The following KIF21A variants were observed in gnomAD, a reference collection of about 807,000 sequenced individuals.
KIF21A encodes kinesin-like protein KIF21A.
In KIF21A, 114 loss-of-function variants were observed where a neutral mutation model predicts 202.9. That is an observed-to-expected ratio of 0.56 (90% confidence interval 0.48 to 0.66). The LOEUF (loss-of-function observed/expected upper bound fraction) is 0.66. KIF21A is among the 30% of genes least tolerant of loss of function. The pLI is 0.00. For missense variants in KIF21A, 1,677 were observed against 1,994.9 expected, an observed-to-expected ratio of 0.84 and a Z score of 3.04; for synonymous variants, 667 against 670.8, an observed-to-expected ratio of 0.99 and a Z score of 0.09.
intron 1 of KIF21A, among the ~76,000 whole-genome samples, chr12:39,427,622 A>C (rs1954869632): frequency 6.6e-6 from 1 of 152,250 alleles, no homozygotes. Context: ...TCCAAAAGAA[A>C]AGAAAACCAC....
chr12:39,318,039 TA>T, intron 29 of KIF21A, 33 bp downstream of exon 29: 1 of 1,598,954 alleles, frequency 6.3e-7, no homozygotes, highest in South Asian at 1.1e-5. Context: ...GAATATTATA[TA>T]AATAATTGGG....
intron 3 of KIF21A, among the ~76,000 whole-genome samples, chr12:39,369,433 C>T (rs573229554): frequency 2.6e-5 from 4 of 152,114 alleles, no homozygotes; most frequent in Non-Finnish European, 5.9e-5. Context: ...ACACTCCAAC[C>T]TGGGTGACAG....
intron 1 of KIF21A, among the ~76,000 whole-genome samples, chr12:39,441,365 T>C (rs910490024): frequency 1.8e-4 from 28 of 152,142 alleles, no homozygotes; most frequent in Middle Eastern, 3.4e-3. Context: ...ACAGACAAAT[T>C]GTCTGTTTTC....
At chr12:39,311,136 AT>A (rs1243217892) in intron 32 of KIF21A, among the ~76,000 whole-genome samples, 2 of 151,984 alleles carry the variant, frequency 1.3e-5, no homozygotes, top group African/African-American at 4.8e-5. Context: ...ATAGATTTTT[AT>A]ATAACCTGCA....
chr12:39,342,193 A>C (rs1947501476), intron 12 of KIF21A, 69 bp from the exon 13 acceptor site: 1 of 1,073,892 alleles, frequency 9.3e-7, no homozygotes, highest in South Asian at 1.3e-5. Context: ...TCTCCCTCAG[A>C]TTTTTAGAAG....
chr12:39,390,106 C>A (rs375988976), intron 1 of KIF21A, among the ~76,000 whole-genome samples: 34 of 152,252 alleles, frequency 2.2e-4, no homozygotes, highest in African/African-American at 7.9e-4. Flanking sequence ...TACACCTAAC[C>A]TCCTATATAT....
In KIF21A at chr12:39,329,855, A is replaced by G. The variant is rs553009587; in HGVS notation, c.3340+387T>C. ...ATATATATACCAAAGATATATACAGAAGAAAGTTATTTATGAGGTTAAAAC... is the reference window on the plus strand; with the variant it reads ...ATATATATACCAAAGATATATACAGGAGAAAGTTATTTATGAGGTTAAAAC... On this transcript the variant is annotated intron_variant, in intron 24 of 37. Coordinates refer to ENST00000361418, the MANE Select transcript of KIF21A (RefSeq NM_001173464.2). Among the ~76,000 whole-genome samples, 4 of 152,290 alleles carry G rather than the reference A, an allele frequency of 2.6e-5. No individual in the cohort carries two copies. In the South Asian group the frequency reaches 8.3e-4, roughly 32 times the overall value.
At chr12:39,361,315 T>G (rs1011816745) in intron 7 of KIF21A, among the ~76,000 whole-genome samples, 3 of 152,126 alleles carry the variant, frequency 2.0e-5, no homozygotes, top group African/African-American at 4.8e-5. Flanking sequence ...AAATGAAAAT[T>G]TTTATTCTGT....
chr12:39,310,062 C>A (rs1943876946), intron 32 of KIF21A, among the ~76,000 whole-genome samples: 1 of 151,926 alleles, frequency 6.6e-6, no homozygotes, highest in Non-Finnish European at 1.5e-5. Flanking sequence ...CTTCAAATTG[C>A]CACTGAATTT....
At position 39,366,524 on chromosome 12, in the gene KIF21A, T is replaced by G; in HGVS notation, c.736-7A>C. On this transcript the variant is annotated splice_region_variant and splice_polypyrimidine_tract_variant and intron_variant, in intron 5 of 37. Coordinates refer to ENST00000361418, the MANE Select transcript of KIF21A (RefSeq NM_001173464.2). ...TATTATCAGTTGCATTGTCCTGAAA[T>G]TAAGAAAAATAATTGAAAATACTTT... The G allele has an allele frequency of 6.4e-7, 1 of 1,574,352 alleles. No homozygotes were observed. Among genetic ancestry groups the G allele is most frequent in the Non-Finnish European group, 8.7e-7 (1 of 1,146,528 alleles).
At chr12:39,305,726 T>C (rs1158750357) in intron 34 of KIF21A, among the ~76,000 whole-genome samples, 1 of 152,202 alleles carries the variant, frequency 6.6e-6, no homozygotes, top group African/African-American at 2.4e-5. Flanking sequence ...TAAATCCACC[T>C]AAACATCAAT....
intron 1 of KIF21A, among the ~76,000 whole-genome samples, chr12:39,403,969 A>T (rs1367535070): frequency 6.6e-6 from 1 of 152,234 alleles, no homozygotes; most frequent in Non-Finnish European, 1.5e-5. Context: ...GACCAAATGC[A>T]TCTTAATCAC....
chr12:39,315,848 A>T (rs759419111), intron 30 of KIF21A, 84 bp downstream of exon 30: 1 of 951,514 alleles, frequency 1.1e-6, no homozygotes, highest in South Asian at 1.3e-5. Context: ...TGCAACAAAA[A>T]TGAGACTTGC....
chr12:39,434,395 G>A (rs564772965), intron 1 of KIF21A, among the ~76,000 whole-genome samples: 6 of 152,288 alleles, frequency 3.9e-5, no homozygotes, highest in African/African-American at 1.4e-4. Context: ...ATTAGTTTCC[G>A]ACACATGATC....
chr12:39,308,662 T>C (rs1383585815), intron 33 of KIF21A, among the ~76,000 whole-genome samples: 1 of 152,174 alleles, frequency 6.6e-6, no homozygotes, highest in East Asian at 1.9e-4. Flanking sequence ...TTTTTTTAAA[T>C]TTTGAAACAT....
Position 39,309,769 on chromosome 12 carries a change from AAAAC to A in KIF21A, c.4097-7_4097-4del. The A allele has an allele frequency of 6.2e-7, 1 of 1,611,992 alleles. No homozygotes were observed. The highest frequency in any genetic ancestry group is 1.3e-5 in the African/African-American group (1 of 75,018). On this transcript the variant is annotated splice_region_variant and splice_polypyrimidine_tract_variant and intron_variant, in intron 32 of 37. Coordinates refer to ENST00000361418, the MANE Select transcript of KIF21A (RefSeq NM_001173464.2). ...ATTCCATACTTTACAAGTACGATCTAAAACAAACACATAAAAAAAAGAAAACACC... is the reference window on the plus strand; with the variant it reads ...ATTCCATACTTTACAAGTACGATCTAAAACACATAAAAAAAAGAAAACACC...
rs1942083843 is a variant in KIF21A, at chr12:39,294,289, C to T, written c.*135G>A. The stretch of plus-strand genomic sequence containing the variant: ...ATTTTATTAGAATACCATTTATAGT[C>T]AGCAGTTGAATTCAGATATATTTTC... On this transcript the variant is annotated 3_prime_UTR_variant, in exon 38 of 38. Coordinates refer to ENST00000361418, the MANE Select transcript of KIF21A (RefSeq NM_001173464.2). The T allele has an allele frequency of 2.9e-6, 2 of 690,460 alleles. No individual in the cohort carries two copies. Among genetic ancestry groups the T allele is most frequent in the Non-Finnish European group, 5.3e-6 (2 of 377,570 alleles). The allele number at this position is 690,460 out of a possible 1,614,324, so 42.8% of individuals were successfully genotyped here.
chr12:39,331,709 AG>A lies in KIF21A; in HGVS notation c.3133del (p.Leu1045CysfsTer30). The A allele has an allele frequency of 6.2e-7, 1 of 1,612,564 alleles. No homozygotes were observed. The highest frequency in any genetic ancestry group is 8.5e-7 in the Non-Finnish European group (1 of 1,178,590). On this transcript the variant is annotated frameshift_variant, in exon 22 of 38. Coordinates refer to ENST00000361418, the MANE Select transcript of KIF21A (RefSeq NM_001173464.2). LOFTEE classifies it high-confidence loss of function. Reference protein sequence around the residue: ...TEARYLLDHFLSMGINKGLQA... With the variant: ...TEARYLLDHFXSMGINKGLQA... ...TCTTACCTTATTGATGCCCATTGACAGGAAGTGATCTAGCAGGTATCGGGCT... is the reference window on the plus strand; with the variant it reads ...TCTTACCTTATTGATGCCCATTGACAGAAGTGATCTAGCAGGTATCGGGCT...
intron 18 of KIF21A, 36 bp downstream of exon 18, chr12:39,333,173 CAGA>C (rs1415444216): frequency 6.2e-7 from 1 of 1,607,676 alleles, no homozygotes; most frequent in Non-Finnish European, 8.5e-7. Flanking sequence ...ATCTCAAAGT[CAGA>C]AGGTTTCTTC....
Sources: gnomAD v4.1 joint callset for allele counts (sites outside exome capture counted in the v4.1 genomes callset) on GRCh38, gnomAD v4.1.1 for gene constraint, MANE v1.5 for transcripts, NCBI Gene and HGNC (gene_info 2026-07-23, HGNC 2026-07-21) for gene names.